The following ITGA8 variants were observed in gnomAD, a reference collection of about 807,000 sequenced individuals.
ITGA8 encodes the protein integrin subunit alpha 8, also known as integrin alpha-8.
Under a neutral mutation model 142.3 loss-of-function variants are expected in ITGA8, and 91 were observed. The observed-to-expected ratio is 0.64, with a 90% CI of 0.54 to 0.76. The LOEUF (loss-of-function observed/expected upper bound fraction) is 0.76, where lower values mean the gene tolerates loss of function less well. Among genes scored for constraint, ITGA8 ranks in the 30% least tolerant of loss-of-function variants. The pLI is 0.00. For missense variants in ITGA8, 1,406 were observed against 1,327.7 expected (o/e 1.06, Z -0.92); for synonymous variants, 505 against 485.2 (o/e 1.04, Z -0.54).
chr10:15,536,105 C>T (rs922806385), intron 27 of ITGA8, among the ~76,000 whole-genome samples: 2 of 152,104 alleles, frequency 1.3e-5, no homozygotes, highest in African/African-American at 4.8e-5. Context: ...GACACGCTGC[C>T]TTTAAGAACT....
At chr10:15,641,964 C>T (rs987761965) in intron 13 of ITGA8, among the ~76,000 whole-genome samples, 1 of 152,106 alleles carries the variant, frequency 6.6e-6, no homozygotes, top group African/African-American at 2.4e-5. Flanking sequence ...CCCATCTCTA[C>T]TAAAACTACA....
chr10:15,654,035 C>T (rs1039730935), intron 11 of ITGA8, among the ~76,000 whole-genome samples: 1 of 152,008 alleles, frequency 6.6e-6, no homozygotes, highest in Non-Finnish European at 1.5e-5. Context: ...ATGGTTTCAC[C>T]ACATTGGTCA....
chr10:15,587,301 C>T (rs897889591), intron 22 of ITGA8, among the ~76,000 whole-genome samples: 1 of 152,158 alleles, frequency 6.6e-6, no homozygotes, highest in South Asian at 2.1e-4. Context: ...TTGACAAATT[C>T]CTTAACATCT....
chr10:15,672,669 T>G lies in ITGA8; in HGVS notation c.757A>C (p.Lys253Gln). 2 of 1,613,908 alleles carry G rather than the reference T, an allele frequency of 1.2e-6. No homozygotes were observed. Among genetic ancestry groups the G allele is most frequent in the Non-Finnish European group, 8.5e-7 (1 of 1,179,880 alleles). ...GAAGCTGGAGCCACTTCCGTCTGCT[T>G]TTCTCCTGCCAGTTTCCTGAGGATA... ...KDILRKLAGE[K>Q]QTEVAPASYD... The change falls in exon 7 of 30, where the codon AAG becomes CAG. Residue 253 changes from lysine to glutamine, a missense_variant. Physicochemically the swap from Lys to Gln is moderately conservative, Grantham distance 53. Transcript: ENST00000378076.
At chr10:15,615,851 A>G (rs1214326458) in intron 14 of ITGA8, among the ~76,000 whole-genome samples, 2 of 152,120 alleles carry the variant, frequency 1.3e-5, no homozygotes, top group African/African-American at 2.4e-5. Context: ...AAAGTTGAGC[A>G]CCACCTCTCT....
intron 6 of ITGA8, among the ~76,000 whole-genome samples, chr10:15,673,608 A>G (rs1209227613): frequency 4.6e-5 from 7 of 152,230 alleles, no homozygotes; most frequent in African/African-American, 1.2e-4. Context: ...ACTGTATTCA[A>G]TCTAAATCAC....
intron 3 of ITGA8, among the ~76,000 whole-genome samples, chr10:15,686,483 T>C (rs752390937): frequency 1.3e-5 from 2 of 152,218 alleles, no homozygotes; most frequent in Non-Finnish European, 2.9e-5. Flanking sequence ...GAAAATTCTT[T>C]CTAGTGTTTG....
At chr10:15,643,998 A>G in intron 13 of ITGA8, 32 bp downstream of exon 13, 2 of 1,585,584 alleles carry the variant, frequency 1.3e-6, no homozygotes, top group South Asian at 2.3e-5. Context: ...CAGGACGTAG[A>G]CTCTCACGTG....
At chr10:15,679,689 CA>C (rs1834699691) in intron 4 of ITGA8, among the ~76,000 whole-genome samples, 1 of 152,192 alleles carries the variant, frequency 6.6e-6, no homozygotes, top group Non-Finnish European at 1.5e-5. Flanking sequence ...CTAGTGTTCA[CA>C]AAAGAGAAAA....
At chr10:15,547,356 G>A (rs932925019) in intron 27 of ITGA8, among the ~76,000 whole-genome samples, 4 of 152,186 alleles carry the variant, frequency 2.6e-5, no homozygotes, top group Non-Finnish European at 4.4e-5. Context: ...TGGATCAGTC[G>A]AGGCCAGGAG....
rs1378917552 is a variant in ITGA8 at position 15,647,029 on chromosome 10, C to A, written c.1024G>T (p.Ala342Ser). ...SDGLDDVLVG[A>S]PLFMEREFES... ...AATTCACGTTCCATAAAGAGAGGTG[C>A]CCCAACCAGGACATCATCCAGTCTG... is the stretch of plus-strand genomic sequence containing the variant. The change falls in exon 12 of 30, where the codon GCA (alanine) becomes TCA (serine). Residue 342 changes from alanine (A) to serine (S), a missense_variant. Coordinates refer to ENST00000378076, the MANE Select transcript of ITGA8 (RefSeq NM_003638.3). 1.9e-6 allele frequency: 3 copies of A among 1,613,428 alleles called. No homozygotes were observed. Among genetic ancestry groups the A allele is most frequent in the South Asian group, 1.1e-5 (1 of 91,016 alleles).
chr10:15,598,931 A>G (rs1402700303), intron 20 of ITGA8, among the ~76,000 whole-genome samples: 1 of 152,176 alleles, frequency 6.6e-6, no homozygotes, highest in Non-Finnish European at 1.5e-5. Flanking sequence ...TCAGCTCCTT[A>G]AGGATCCATA....
At chr10:15,601,856 A>G (rs991519171) in intron 20 of ITGA8, among the ~76,000 whole-genome samples, 3 of 152,370 alleles carry the variant, frequency 2.0e-5, no homozygotes, top group East Asian at 3.9e-4. Context: ...AGTTGAAATC[A>G]AAAGGTACAC....
intron 26 of ITGA8, among the ~76,000 whole-genome samples, chr10:15,551,677 CA>C (rs1162264092): frequency 6.6e-6 from 1 of 152,182 alleles, no homozygotes; most frequent in Non-Finnish European, 1.5e-5. Context: ...AGGATGTTGG[CA>C]TTTTGCACTT....
intron 6 of ITGA8, among the ~76,000 whole-genome samples, chr10:15,673,275 C>T (rs9333262): frequency 0.016 from 2,420 of 152,168 alleles, 30 homozygotes; most frequent in Admixed American, 0.031. Context: ...AGTAGAGACG[C>T]AGTTTCACTA....
intron 25 of ITGA8, among the ~76,000 whole-genome samples, chr10:15,562,154 AC>A (rs1165405692): frequency 6.6e-6 from 1 of 152,170 alleles, no homozygotes; most frequent in Non-Finnish European, 1.5e-5. Flanking sequence ...ACAAAGCCTA[AC>A]CCTATCAGGT....
chr10:15,596,070 C>T (rs1032015770), intron 21 of ITGA8, among the ~76,000 whole-genome samples: 9 of 152,040 alleles, frequency 5.9e-5, no homozygotes, highest in African/African-American at 1.9e-4. Flanking sequence ...ATAAAATAGG[C>T]GGTTGGATTT....
chr10:15,595,764 A>C (rs1833001262), intron 21 of ITGA8, among the ~76,000 whole-genome samples: 1 of 152,148 alleles, frequency 6.6e-6, no homozygotes, highest in Non-Finnish European at 1.5e-5. Flanking sequence ...AACCCTCTTC[A>C]TATTAAATTA....
chr10:15,687,789 C>T, intron 3 of ITGA8, 149 bp downstream of exon 3: 2 of 541,322 alleles, frequency 3.7e-6, no homozygotes, highest in South Asian at 3.2e-5. Context: ...TAATTTTAAG[C>T]ATTTAGTTGC....
Sources: gnomAD v4.1 joint callset for allele counts (sites outside exome capture counted in the v4.1 genomes callset) on GRCh38, gnomAD v4.1.1 for gene constraint, MANE v1.5 for transcripts, NCBI Gene and HGNC (gene_info 2026-07-23, HGNC 2026-07-21) for gene names.